IQCM: variants seen among roughly 807,000 people sequenced by gnomAD.
The protein encoded by IQCM is IQ motif containing M.
Under a neutral mutation model 57.6 loss-of-function variants are expected in IQCM, and 45 were observed. The ratio of observed to expected loss-of-function variants is 0.78; its 90% CI spans 0.62 to 1.00. IQCM has a LOEUF of 1.00. IQCM is among the 50% of genes least tolerant of loss of function. The pLI is 0.00. For missense variants in IQCM, 468 were observed against 511.6 expected, an observed-to-expected ratio of 0.91 and a Z score of 0.82; for synonymous variants, 148 against 158.9, an observed-to-expected ratio of 0.93 and a Z score of 0.51.
rs1000630418 is a variant in IQCM at position 149,769,329 on chromosome 4, A to G, written c.-48-26590T>C. ...CCGCCCCCAAGGTAGTCCATCAGGA[A>G]TTGCTAACTCAAATTGACCACACAA... is the stretch of plus-strand genomic sequence containing the variant. On this transcript the variant is annotated intron_variant, in intron 2 of 13. Transcript: ENST00000636793. Among the ~76,000 whole-genome samples the G allele has an allele frequency of 1.2e-4, 18 of 152,158 alleles. No individual in the cohort carries two copies. The South Asian group carries it at 1.7e-3, about 14-fold the overall frequency.
At chr4:149,574,103 A>C (rs1254277929) in intron 9 of IQCM, among the ~76,000 whole-genome samples, 1 of 151,938 alleles carries the variant, frequency 6.6e-6, no homozygotes, top group Non-Finnish European at 1.5e-5. Context: ...CTTTATGTTC[A>C]TTCTTTATAT....
intron 8 of IQCM, among the ~76,000 whole-genome samples, chr4:149,615,607 TATG>T (rs1444093256): frequency 2.0e-5 from 3 of 152,144 alleles, no homozygotes; most frequent in Admixed American, 6.5e-5. Flanking sequence ...ACTAAAAACA[TATG>T]AGGATACAAA....
chr4:149,744,820 T>C (rs1009571036), intron 2 of IQCM, among the ~76,000 whole-genome samples: 1 of 152,132 alleles, frequency 6.6e-6, no homozygotes. Flanking sequence ...GGACTTGCCA[T>C]TTATTTCAGA....
chr4:149,534,654 A>G (rs544259049), intron 12 of IQCM, among the ~76,000 whole-genome samples: 1 of 152,250 alleles, frequency 6.6e-6, no homozygotes, highest in Admixed American at 6.6e-5. Context: ...AGATATTTAT[A>G]TTAATCCCTG....
chr4:149,622,549 T>C (rs1388158651), intron 7 of IQCM, among the ~76,000 whole-genome samples: 1 of 152,110 alleles, frequency 6.6e-6, no homozygotes, highest in Non-Finnish European at 1.5e-5. Flanking sequence ...TTCACAGTGT[T>C]AGCCAGGATG....
chr4:149,577,904 AGT>A (rs1220853168), intron 9 of IQCM, among the ~76,000 whole-genome samples: 1 of 151,752 alleles, frequency 6.6e-6, no homozygotes, highest in African/African-American at 2.4e-5. Flanking sequence ...TTCTTTCAGC[AGT>A]GTTTTGTAAT....
chr4:149,451,959 G>T (rs965760022), intron 12 of IQCM, among the ~76,000 whole-genome samples: 1 of 151,674 alleles, frequency 6.6e-6, no homozygotes, highest in East Asian at 1.9e-4. Flanking sequence ...GTTTGTCTAT[G>T]TATAAATCCT....
chr4:149,669,735 T>A (rs566323213), intron 7 of IQCM, among the ~76,000 whole-genome samples: 8 of 152,312 alleles, frequency 5.3e-5, no homozygotes, highest in African/African-American at 1.9e-4. Context: ...AAATAGGGAA[T>A]CCTTTCCCCA....
intron 7 of IQCM, among the ~76,000 whole-genome samples, chr4:149,661,099 T>C (rs1248840374): frequency 6.6e-6 from 1 of 152,170 alleles, no homozygotes; most frequent in Admixed American, 6.6e-5. Flanking sequence ...GTGTTTGTCA[T>C]AGATGGCCTT....
chr4:149,752,151 A>T (rs1768508775), intron 2 of IQCM, among the ~76,000 whole-genome samples: 1 of 152,140 alleles, frequency 6.6e-6, no homozygotes, highest in Non-Finnish European at 1.5e-5. Flanking sequence ...ATTGATGCAT[A>T]CAGTATCATG....
chr4:149,532,262 A>G (rs1040293868), intron 12 of IQCM, among the ~76,000 whole-genome samples: 1 of 152,138 alleles, frequency 6.6e-6, no homozygotes, highest in Non-Finnish European at 1.5e-5. Context: ...TCTTTTACCT[A>G]GTATACAAAG....
At chr4:149,371,952 CA>C (rs1177312908) in intron 13 of IQCM, among the ~76,000 whole-genome samples, 1 of 152,064 alleles carries the variant, frequency 6.6e-6, no homozygotes, top group East Asian at 1.9e-4. Context: ...ATGAATTTCT[CA>C]AGCTTTAAAA....
chr4:149,757,143 A>C (rs998103131), intron 2 of IQCM, among the ~76,000 whole-genome samples: 5 of 152,126 alleles, frequency 3.3e-5, no homozygotes, highest in Middle Eastern at 3.2e-3. Context: ...CTGTAGTCCC[A>C]GCTACTCAGG....
At chr4:149,486,878 G>A (rs1191516641) in intron 12 of IQCM, among the ~76,000 whole-genome samples, 1 of 152,116 alleles carries the variant, frequency 6.6e-6, no homozygotes, top group East Asian at 1.9e-4. Context: ...CTGTCCAAGA[G>A]CCTAGGCCTG....
chr4:149,428,707 A>G (rs1734622122), intron 13 of IQCM, among the ~76,000 whole-genome samples: 1 of 151,874 alleles, frequency 6.6e-6, no homozygotes, highest in African/African-American at 2.4e-5. Flanking sequence ...GCAAATGTGT[A>G]TCAAGTCTTG....
At chr4:149,666,739 G>T (rs1157003654) in intron 7 of IQCM, among the ~76,000 whole-genome samples, 1 of 152,054 alleles carries the variant, frequency 6.6e-6, no homozygotes, top group Non-Finnish European at 1.5e-5. Flanking sequence ...GAGCTTGGTG[G>T]GGGGAGGGGT....
intron 7 of IQCM, among the ~76,000 whole-genome samples, chr4:149,650,966 C>T (rs1759119805): frequency 6.6e-6 from 1 of 152,084 alleles, no homozygotes; most frequent in Non-Finnish European, 1.5e-5. Context: ...GTCTTTGCCC[C>T]TTTTTTCTTC....
At chr4:149,795,705 A>G (rs967610639) in intron 2 of IQCM, among the ~76,000 whole-genome samples, 3 of 152,098 alleles carry the variant, frequency 2.0e-5, no homozygotes, top group Admixed American at 2.0e-4. Context: ...TAGTGAGGAG[A>G]ACTTTGTCTT....
intron 2 of IQCM, among the ~76,000 whole-genome samples, chr4:149,814,250 G>A (rs560861849): frequency 3.1e-4 from 47 of 152,094 alleles, no homozygotes; most frequent in African/African-American, 1.1e-3. Flanking sequence ...AAGTACAAAT[G>A]TCTATCAAAT....
Sources: allele counts gnomAD v4.1 joint callset (sites outside exome capture counted in the v4.1 genomes callset), GRCh38; gene constraint gnomAD v4.1.1; transcripts MANE v1.5; gene names NCBI Gene and HGNC (gene_info 2026-07-23, HGNC 2026-07-21).